Variants in CFAP74 observed in about 807,000 individuals in gnomAD.
The protein encoded by CFAP74 is cilia and flagella associated protein 74.
CFAP74 carries 124 observed loss-of-function variants against 188.9 expected under a neutral mutation model. The observed-to-expected ratio is 0.66, with a 90% CI of 0.57 to 0.76. The LOEUF is 0.76. Ranked by LOEUF, CFAP74 falls within the 30% of genes least tolerant of loss-of-function variation. The pLI, the probability that CFAP74 is intolerant of heterozygous loss-of-function variation, is 0.00. For synonymous variants in CFAP74, 956 were observed against 916.7 expected, an observed-to-expected ratio of 1.04 and a Z score of -0.77; for missense variants, 2,198 against 2,165.2, an observed-to-expected ratio of 1.02 and a Z score of -0.30.
intron 18 of CFAP74, among the ~76,000 whole-genome samples, chr1:1,948,918 TTC>T: frequency 8.3e-6 from 1 of 120,018 alleles, no homozygotes; most frequent in Non-Finnish European, 1.8e-5. Flanking sequence ...TTCCTTCCCT[TTC>T]CTTCCTTCCT....
At chr1:1,985,343 C>G in intron 6 of CFAP74, 43 bp downstream of exon 6, 1 of 1,552,978 alleles carries the variant, frequency 6.4e-7, no homozygotes, top group Non-Finnish European at 8.9e-7. Context: ...TCGCACCGTT[C>G]TGGGGCCTGC....
At chr1:1,951,456 A>G (rs1368572005) in intron 18 of CFAP74, among the ~76,000 whole-genome samples, 1 of 152,190 alleles carries the variant, frequency 6.6e-6, no homozygotes, top group African/African-American at 2.4e-5. Context: ...GTTCAAAACC[A>G]GTTGACTATA....
At chr1:1,991,106 CAT>C in intron 1 of CFAP74, 131 bp from the exon 2 acceptor site, 4 of 610,602 alleles carry the variant, frequency 6.6e-6, no homozygotes, top group Non-Finnish European at 1.2e-5. Context: ...GCAGCACACA[CAT>C]ATCTGACACA....
At chr1:1,971,045 G>C (rs185230012) in intron 9 of CFAP74, among the ~76,000 whole-genome samples, 8 of 137,900 alleles carry the variant, frequency 5.8e-5, no homozygotes, top group African/African-American at 1.7e-4. Flanking sequence ...CTGCACACAC[G>C]TGCACACACA....
rs745920243 is a variant in CFAP74 at position 1,922,366 on chromosome 1, G to A, written c.4841C>T (p.Ser1614Leu). Residue 1614 changes from serine to leucine, a missense_variant, in exon 39 of 39, where the codon TCG becomes TTG. Coordinates refer to ENST00000682832, the MANE Select transcript of CFAP74 (RefSeq NM_001304360.2). ...DFDPDHPLMVSALLQLRGDVK... is the reference protein window; with the variant it reads ...DFDPDHPLMVLALLQLRGDVK... ...ATCCCCCCTTAGCTGCAGCAGGGCCGACACCATGAGTGGGTGGTCTGGCTG... is the reference window on the plus strand; with the variant it reads ...ATCCCCCCTTAGCTGCAGCAGGGCCAACACCATGAGTGGGTGGTCTGGCTG... 2.3e-5 allele frequency: 37 copies of A among 1,602,536 alleles called. No homozygotes were observed. In the Middle Eastern group the frequency reaches 5.0e-4, roughly 22 times the overall value.
chr1:1,949,136 C>T (rs1166878722), intron 18 of CFAP74, among the ~76,000 whole-genome samples: 36 of 96,860 alleles, frequency 3.7e-4, no homozygotes, highest in Non-Finnish European at 6.1e-4. Context: ...TCCCTCCCTC[C>T]CTCCCTCCCT....
chr1:2,001,058 A>G (rs1658179949), intron 1 of CFAP74, among the ~76,000 whole-genome samples: 1 of 151,700 alleles, frequency 6.6e-6, no homozygotes, highest in South Asian at 2.1e-4. Context: ...GGGTGAGGGT[A>G]TGTGGCTGAG....
At chr1:1,958,979 G>A (rs1353555938) in intron 16 of CFAP74, 141 bp downstream of exon 16, 4 of 625,362 alleles carry the variant, frequency 6.4e-6, no homozygotes, top group Non-Finnish European at 1.1e-5. Context: ...TTGGAAGAAG[G>A]GGCTCAGCCC....
chr1:1,989,183 A>T (rs577422747), intron 2 of CFAP74, among the ~76,000 whole-genome samples: 54 of 152,256 alleles, frequency 3.5e-4, no homozygotes, highest in African/African-American at 1.2e-3. Context: ...AGAGTCAGGG[A>T]CATCCGTCTT....
In CFAP74 at chr1:1,946,982, T is replaced by A. The variant is rs540830811; in HGVS notation, c.2241+8A>T. ...GTGGCAGCTATTTTAGGGCCTGAGCTGGCTGACCTCCCCCAGCGTGATCTC... is the reference window on the plus strand; with the variant it reads ...GTGGCAGCTATTTTAGGGCCTGAGCAGGCTGACCTCCCCCAGCGTGATCTC... On this transcript the variant is annotated splice_region_variant and intron_variant, in intron 19 of 38. Coordinates refer to ENST00000682832, the MANE Select transcript of CFAP74 (RefSeq NM_001304360.2). 6.1e-5 allele frequency: 93 copies of A among 1,534,222 alleles called. No individual in the cohort carries two copies. The African/African-American group carries it at 1.1e-3, about 18-fold the overall frequency.
At chr1:1,978,606 C>A (rs1002518437) in intron 6 of CFAP74, among the ~76,000 whole-genome samples, 4 of 152,118 alleles carry the variant, frequency 2.6e-5, no homozygotes, top group African/African-American at 9.7e-5. Context: ...GGAACGCAGG[C>A]AGCTTTGGAG....
At chr1:1,958,325 C>T (rs1654811758) in intron 16 of CFAP74, among the ~76,000 whole-genome samples, 1 of 152,260 alleles carries the variant, frequency 6.6e-6, no homozygotes, top group Admixed American at 6.5e-5. Context: ...CTGACGCAGG[C>T]TCAGGCTGTG....
intron 25 of CFAP74, among the ~76,000 whole-genome samples, chr1:1,930,783 C>T (rs563792395): frequency 1.3e-5 from 2 of 152,268 alleles, no homozygotes; most frequent in Non-Finnish European, 2.9e-5. Flanking sequence ...AAATTTCTAG[C>T]TTATTTTGTT....
intron 1 of CFAP74, among the ~76,000 whole-genome samples, chr1:1,997,720 A>G (rs140204937): frequency 6.6e-6 from 1 of 152,328 alleles, no homozygotes; most frequent in East Asian, 1.9e-4. Context: ...TCTACAGAGA[A>G]TGCGAGGAAC....
intron 6 of CFAP74, among the ~76,000 whole-genome samples, chr1:1,977,351 C>G (rs1270282141): frequency 7.9e-5 from 12 of 152,146 alleles, no homozygotes; most frequent in Admixed American, 7.9e-4. Flanking sequence ...GCGAGTGCCC[C>G]AAACCGCCAA....
chr1:1,922,562 C>T (rs1019156656), intron 38 of CFAP74, 27 bp downstream of exon 38: 3 of 1,606,958 alleles, frequency 1.9e-6, no homozygotes, highest in Non-Finnish European at 2.5e-6. Flanking sequence ...CCCAGGGCTC[C>T]CTGGCCTGGA....
chr1:1,949,269 G>C (rs1184805027), intron 18 of CFAP74, among the ~76,000 whole-genome samples: 2 of 151,570 alleles, frequency 1.3e-5, no homozygotes, highest in South Asian at 2.1e-4. Context: ...AGTGATTCAA[G>C]TGCCTCAGCC....
At chr1:1,978,861 C>A (rs1434202990) in intron 6 of CFAP74, among the ~76,000 whole-genome samples, 1 of 152,244 alleles carries the variant, frequency 6.6e-6, no homozygotes, top group African/African-American at 2.4e-5. Flanking sequence ...TGCCGTGGGT[C>A]CCATGTGGCC....
intron 4 of CFAP74, 78 bp downstream of exon 4, chr1:1,988,434 G>C: frequency 1.3e-6 from 2 of 1,566,476 alleles, no homozygotes; most frequent in Non-Finnish European, 1.7e-6. Flanking sequence ...ACAGGTACAG[G>C]ACCACCCCTG....
Sources: allele counts gnomAD v4.1 joint callset (sites outside exome capture counted in the v4.1 genomes callset), GRCh38; gene constraint gnomAD v4.1.1; transcripts MANE v1.5; gene names NCBI Gene and HGNC (gene_info 2026-07-23, HGNC 2026-07-21).